The following CNTNAP3B variants were observed in gnomAD, a reference collection of about 807,000 sequenced individuals.
CNTNAP3B encodes the protein contactin associated protein family member 3B.
In CNTNAP3B, 25 loss-of-function variants were observed where a neutral mutation model predicts 108.9. That is an observed-to-expected ratio of 0.23 (90% CI 0.17 to 0.32). The LOEUF (loss-of-function observed/expected upper bound fraction) is 0.32, where lower values mean the gene tolerates loss of function less well. CNTNAP3B is among the 10% of genes least tolerant of loss of function. The pLI is 1.00. For missense variants in CNTNAP3B, 252 were observed against 1,210.4 expected, an observed-to-expected ratio of 0.21 and a Z score of 11.75; for synonymous variants, 103 against 473.4, an observed-to-expected ratio of 0.22 and a Z score of 10.16.
At chr9:42,077,555 T>G (rs1827518133) in intron 2 of CNTNAP3B, among the ~76,000 whole-genome samples, 1 of 132,052 alleles carries the variant, frequency 7.6e-6, no homozygotes, top group Admixed American at 7.6e-5. Flanking sequence ...CCCACTTACA[T>G]GTGGAATTCT....
intron 14 of CNTNAP3B, among the ~76,000 whole-genome samples, chr9:41,932,833 A>G (rs1456551414): frequency 4.6e-5 from 7 of 152,312 alleles, no homozygotes; most frequent in Admixed American, 3.9e-4. Flanking sequence ...GTTAATGATT[A>G]TTTTGGGGGA....
intron 13 of CNTNAP3B, among the ~76,000 whole-genome samples, chr9:41,946,598 T>C (rs1216694935): frequency 1.9e-5 from 1 of 51,624 alleles, no homozygotes; most frequent in African/African-American, 7.2e-5. Flanking sequence ...CAAGCCCAGA[T>C]GATTCACTGG....
chr9:42,119,351 C>A (rs374947014), intron 1 of CNTNAP3B, among the ~76,000 whole-genome samples: 1 of 132,468 alleles, frequency 7.5e-6, no homozygotes, highest in Non-Finnish European at 1.6e-5. Flanking sequence ...AATGGAAGAA[C>A]ATTCCATGCT....
chr9:41,978,327 C>T (rs1254617927), intron 9 of CNTNAP3B, among the ~76,000 whole-genome samples: 1 of 46,542 alleles, frequency 2.1e-5, no homozygotes, highest in African/African-American at 7.2e-5. Context: ...TTGAAATAAC[C>T]GACTGAGTAA....
chr9:41,982,766 C>T (rs1317194464), intron 9 of CNTNAP3B, among the ~76,000 whole-genome samples: 1 of 147,986 alleles, frequency 6.8e-6, no homozygotes, highest in Non-Finnish European at 1.5e-5. Context: ...CGTGCATGTT[C>T]ATTCACAATA....
chr9:41,929,518 C>G, intron 14 of CNTNAP3B, 74 bp from the exon 15 acceptor site: 3 of 1,489,970 alleles, frequency 2.0e-6, no homozygotes, highest in Non-Finnish European at 2.7e-6. Flanking sequence ...GATCTCTTAT[C>G]TCAATTTGAA....
intron 13 of CNTNAP3B, among the ~76,000 whole-genome samples, chr9:41,951,775 G>A (rs1455229463): frequency 6.6e-6 from 1 of 152,106 alleles, no homozygotes; most frequent in East Asian, 1.9e-4. Flanking sequence ...AGCACAGTGG[G>A]TAAGATTTAA....
Position 41,920,079 on chromosome 9 carries a change from AGAACG to A in CNTNAP3B, c.2981_2985del (p.Pro994LeufsTer4), listed in dbSNP as rs1446577220. 6.3e-7 allele frequency: 1 copy of A among 1,578,244 alleles called. No homozygotes were observed. The highest frequency in any genetic ancestry group is 8.6e-7 in the Non-Finnish European group (1 of 1,160,598). On this transcript the variant is annotated frameshift_variant, in exon 18 of 24. Coordinates refer to ENST00000377561, the MANE Select transcript of CNTNAP3B (RefSeq NM_001201380.3). LOFTEE classifies it high-confidence loss of function. Reference sequence around the variant, plus strand: ...CCTTGGTCACACTTACCATTGGAGCAGAACGGTCCATCATAGGCTGAGAAGGCACA... The same window carrying A: ...CCTTGGTCACACTTACCATTGGAGCAGTCCATCATAGGCTGAGAAGGCACA...
chr9:42,066,561 G>A (rs1419678809), intron 3 of CNTNAP3B, among the ~76,000 whole-genome samples: 1 of 125,772 alleles, frequency 8.0e-6, no homozygotes, highest in Non-Finnish European at 1.7e-5. Flanking sequence ...CGAGTAGCTG[G>A]GATTACAGGC....
rs559450023 is a variant in CNTNAP3B, at chr9:41,953,358, G to T, written c.1905C>A (p.His635Gln). The change falls in exon 13 of 24, where the codon CAC becomes CAA. Residue 635 changes from histidine to glutamine, a missense_variant. Coordinates refer to ENST00000377561, the MANE Select transcript of CNTNAP3B (RefSeq NM_001201380.3). ...GGAGGGTCACCGCGTCGGGGCCACC[G>T]TGCCGCACCACCGTCCACGCGGAGT... ...TADSAWTVVRHGGPDAVTLRG... is the reference protein window; with the variant it reads ...TADSAWTVVRQGGPDAVTLRG... 2 of 1,552,252 alleles carry T rather than the reference G, an allele frequency of 1.3e-6. No homozygotes were observed. Among genetic ancestry groups the T allele is most frequent in the Non-Finnish European group, 1.7e-6 (2 of 1,154,870 alleles).
At chr9:41,953,509 G>C in intron 12 of CNTNAP3B, 123 bp from the exon 13 acceptor site, 4 of 1,105,620 alleles carry the variant, frequency 3.6e-6, no homozygotes, top group Middle Eastern at 2.8e-4. Flanking sequence ...TGTTTGCCGC[G>C]ATTTGAGGAG....
At chr9:41,959,360 G>A (rs1185932259) in intron 12 of CNTNAP3B, among the ~76,000 whole-genome samples, 1 of 152,252 alleles carries the variant, frequency 6.6e-6, no homozygotes, top group East Asian at 1.9e-4. Context: ...GAGCAATGCG[G>A]CATCTAAAGA....
In CNTNAP3B at chr9:41,950,101, C is replaced by T. The variant is rs1824632185; in HGVS notation, c.2080+3082G>A. Among the ~76,000 whole-genome samples the T allele has an allele frequency of 1.9e-5, 2 of 104,942 alleles. 1 individual carries two copies. Among genetic ancestry groups the T allele is most frequent in the African/African-American group, 7.1e-5 (2 of 28,066 alleles). The allele number at this position is 104,942 out of a possible 152,430, so 68.8% of individuals were successfully genotyped here. ...AAAACATTCACAGACATCTATCTCACTGAAAACGATATACAGATGGCAAAT... is the reference window on the plus strand; with the variant it reads ...AAAACATTCACAGACATCTATCTCATTGAAAACGATATACAGATGGCAAAT... On this transcript the variant is annotated intron_variant, in intron 13 of 23. Coordinates refer to ENST00000377561, the MANE Select transcript of CNTNAP3B (RefSeq NM_001201380.3).
chr9:41,972,941 T>C (rs1825448567), intron 9 of CNTNAP3B, among the ~76,000 whole-genome samples: 1 of 64,244 alleles, frequency 1.6e-5, no homozygotes, highest in South Asian at 9.0e-4. Flanking sequence ...GTTATCTTTT[T>C]TTTTTTTTTT....
chr9:42,012,020 C>T (rs1275350983), intron 4 of CNTNAP3B, among the ~76,000 whole-genome samples: 3 of 98,110 alleles, frequency 3.1e-5, no homozygotes, highest in African/African-American at 7.7e-5. Context: ...CACCGCCCAC[C>T]GGCCCTTCCT....
In CNTNAP3B at chr9:42,112,195, C is replaced by A. The variant is rs1350943638; in HGVS notation, c.86-7456G>T. ...TCACCCGATGACATTGCAGCCCCTG[C>A]TGTCTGCGAGTTCCCATCACTTATT... On this transcript the variant is annotated intron_variant, in intron 1 of 23. Coordinates refer to ENST00000377561, the MANE Select transcript of CNTNAP3B (RefSeq NM_001201380.3). Among the ~76,000 whole-genome samples the A allele has an allele frequency of 1.4e-5, 2 of 140,260 alleles. 1 individual carries two copies. The highest frequency in any genetic ancestry group is 1.4e-4 in the Admixed American group (2 of 14,110). The allele number at this position is 140,260 out of a possible 152,430, so 92.0% of individuals were successfully genotyped here.
Position 42,088,475 on chromosome 9 carries a change from A to G in CNTNAP3B, c.197-11413T>C, listed in dbSNP as rs1393717610. On this transcript the variant is annotated intron_variant, in intron 2 of 23. Transcript: ENST00000377561. The stretch of plus-strand genomic sequence containing the variant: ...TGTCATAGTACTAACAACCTATTTT[A>G]GATGAATTTTAAAGTTACATATGCT... Among the ~76,000 whole-genome samples, 19 of 139,488 alleles carry G rather than the reference A, an allele frequency of 1.4e-4. 2 individuals carry two copies. Among genetic ancestry groups the G allele is most frequent in the African/African-American group, 5.4e-4 (19 of 35,390 alleles). The allele number at this position is 139,488 out of a possible 152,430, so 91.5% of individuals were successfully genotyped here.
At chr9:41,922,536 G>C in intron 17 of CNTNAP3B, 141 bp downstream of exon 17, 1 of 989,212 alleles carries the variant, frequency 1.0e-6, no homozygotes, top group East Asian at 2.6e-5. Context: ...CAAGCTCCTG[G>C]AACCTACCAG....
rs1298960113 is a variant in CNTNAP3B at position 41,958,005 on chromosome 9, G to A, written c.1876+2768C>T. Reference sequence around the variant, plus strand: ...TCTCGATCTCCTGACCTCGTGATCCGCCTGCCTCAGCCTCCCACAGTGCTG... The same window carrying A: ...TCTCGATCTCCTGACCTCGTGATCCACCTGCCTCAGCCTCCCACAGTGCTG... On this transcript the variant is annotated intron_variant, in intron 12 of 23. Coordinates refer to ENST00000377561, the MANE Select transcript of CNTNAP3B (RefSeq NM_001201380.3). Among the ~76,000 whole-genome samples, 364 of 151,494 alleles carry A rather than the reference G, an allele frequency of 2.4e-3. No individual in the cohort carries two copies. In the South Asian group the frequency reaches 0.025, roughly 10 times the overall value.
Sources: allele counts gnomAD v4.1 joint callset (sites outside exome capture counted in the v4.1 genomes callset), GRCh38; gene constraint gnomAD v4.1.1; transcripts MANE v1.5; gene names NCBI Gene and HGNC (gene_info 2026-07-23, HGNC 2026-07-21).